DDX24: variants seen among roughly 807,000 people sequenced by gnomAD.
The protein encoded by DDX24 is ATP-dependent RNA helicase DDX24.
In DDX24, 24 loss-of-function variants were observed where a neutral mutation model predicts 68.9. That is an observed-to-expected ratio of 0.35 (90% CI 0.25 to 0.49). The LOEUF is 0.49. DDX24 is among the 20% of genes least tolerant of loss of function. The pLI is 0.99. For missense variants in DDX24, 989 were observed against 1,039.0 expected, an observed-to-expected ratio of 0.95 and a Z score of 0.66; for synonymous variants, 395 against 385.2, an observed-to-expected ratio of 1.03 and a Z score of -0.30.
intron 2 of DDX24, among the ~76,000 whole-genome samples, chr14:94,077,088 T>C (rs892337179): frequency 3.3e-5 from 5 of 152,260 alleles, no homozygotes; most frequent in Non-Finnish European, 5.9e-5. Context: ...AAGTATATAA[T>C]ACAAAATATG....
At chr14:94,054,502 G>A (rs1688691416) in intron 7 of DDX24, among the ~76,000 whole-genome samples, 1 of 152,132 alleles carries the variant, frequency 6.6e-6, no homozygotes, top group African/African-American at 2.4e-5. Flanking sequence ...ATTCACAGCT[G>A]GCAAACCTCT....
intron 2 of DDX24, among the ~76,000 whole-genome samples, chr14:94,074,446 T>C (rs1885894964): frequency 6.6e-6 from 1 of 152,196 alleles, no homozygotes; most frequent in Non-Finnish European, 1.5e-5. Context: ...TTCACCACAT[T>C]GGCAGACTAA....
intron 8 of DDX24, 195 bp from the exon 9 acceptor site, chr14:94,051,657 C>G (rs1885390971): frequency 3.7e-6 from 2 of 539,594 alleles, no homozygotes; most frequent in East Asian, 6.5e-5. Context: ...AGGGGATACA[C>G]AGGACCGCTC....
intron 2 of DDX24, among the ~76,000 whole-genome samples, chr14:94,066,232 T>A (rs141380810): frequency 2.0e-5 from 3 of 152,072 alleles, no homozygotes; most frequent in Non-Finnish European, 4.4e-5. Context: ...CTTTCCCCCA[T>A]TTCCCTGACA....
chr14:94,078,363 C>T (rs1885988614), intron 2 of DDX24, among the ~76,000 whole-genome samples: 1 of 152,172 alleles, frequency 6.6e-6, no homozygotes, highest in African/African-American at 2.4e-5. Flanking sequence ...GTACTAGTTC[C>T]TCCCCCAAGT....
At chr14:94,068,484 G>T (rs547260727) in intron 2 of DDX24, among the ~76,000 whole-genome samples, 1 of 152,074 alleles carries the variant, frequency 6.6e-6, no homozygotes, top group Non-Finnish European at 1.5e-5. Context: ...GGAAACAATC[G>T]ATTTAAACTA....
rs1489606821 is a variant in DDX24, at chr14:94,053,114, A to G, written c.2192T>C (p.Leu731Ser). 26 of 1,614,216 alleles carry G rather than the reference A, an allele frequency of 1.6e-5. No homozygotes were observed. Among genetic ancestry groups the G allele is most frequent in the Non-Finnish European group, 2.0e-5 (24 of 1,180,034 alleles). ...YMDVVKERIR[L>S]ARQIEKSEYR... is the part of the protein sequence containing the mutation. ...CTCAGATTTCTCAATCTGTCGAGCT[A>G]AACGGATTCGCTCCTGGGGGGAAGT... The change falls in exon 8 of 9, where the codon TTA becomes TCA. Residue 731 changes from leucine (L) to serine (S), a missense_variant. Leu to Ser is a moderately radical substitution (Grantham distance 145, BLOSUM62 -2). This residue lies in a region of DDX24 where 691 missense variants were observed against 760.0 expected (regional missense o/e 0.91). Transcript: ENST00000621632.
chr14:94,055,530 T>A (rs906368262), intron 6 of DDX24: 1 of 259,764 alleles, frequency 3.8e-6, no homozygotes, highest in African/African-American at 2.2e-5. Flanking sequence ...TACTCCTATA[T>A]ATATTTTATC....
Position 94,054,904 on chromosome 14 carries a change from A to G in DDX24, c.2178+92T>C. 2.1e-6 allele frequency: 3 copies of G among 1,410,348 alleles called. No individual in the cohort carries two copies. The South Asian group carries it at 4.0e-5, about 19-fold the overall frequency. 87.4% of individuals were successfully genotyped at this position (1,410,348 alleles called of 1,614,324 possible). ...TTGGCAGAACCATTCCTTAGTTTTC[A>G]AGGGTTATGCTGCCAGAGTCCCACA... is the stretch of plus-strand genomic sequence containing the variant. On this transcript the variant is annotated intron_variant, in intron 7 of 8. Coordinates refer to ENST00000621632, the MANE Select transcript of DDX24 (RefSeq NM_020414.4).
At chr14:94,080,567 A>T (rs1207319906) in intron 1 of DDX24, among the ~76,000 whole-genome samples, 1 of 152,190 alleles carries the variant, frequency 6.6e-6, no homozygotes, top group African/African-American at 2.4e-5. Flanking sequence ...AAACGAGGAC[A>T]TCTGTCCCAC....
At chr14:94,063,736 C>T (rs185552334) in intron 2 of DDX24, among the ~76,000 whole-genome samples, 1 of 152,042 alleles carries the variant, frequency 6.6e-6, no homozygotes, top group Non-Finnish European at 1.5e-5. Flanking sequence ...CATAGTGAGA[C>T]TCCCATCTTT....
At chr14:94,064,605 A>G (rs1339972130) in intron 2 of DDX24, among the ~76,000 whole-genome samples, 1 of 152,244 alleles carries the variant, frequency 6.6e-6, no homozygotes, top group Non-Finnish European at 1.5e-5. Context: ...GATAGATTCC[A>G]GGGTGGTGTA....
intron 2 of DDX24, among the ~76,000 whole-genome samples, chr14:94,074,029 C>T (rs1056296888): frequency 5.5e-5 from 8 of 145,656 alleles, no homozygotes; most frequent in Admixed American, 2.1e-4. Flanking sequence ...GGCAACAGAC[C>T]GAGACTCCAT....
At chr14:94,071,050 G>A (rs1472328743) in intron 2 of DDX24, among the ~76,000 whole-genome samples, 1 of 152,030 alleles carries the variant, frequency 6.6e-6, no homozygotes, top group Non-Finnish European at 1.5e-5. Context: ...ACAGCAAAAG[G>A]AACAGTCAGC....
intron 2 of DDX24, among the ~76,000 whole-genome samples, chr14:94,070,434 C>G (rs1346890833): frequency 1.3e-5 from 2 of 152,146 alleles, no homozygotes; most frequent in African/African-American, 4.8e-5. Flanking sequence ...ATGACTGTTG[C>G]CAAAAGCAAT....
At chr14:94,055,296 A>T in intron 6 of DDX24, 112 bp from the exon 7 acceptor site, 1 of 1,080,990 alleles carries the variant, frequency 9.3e-7, no homozygotes, top group Non-Finnish European at 1.3e-6. Flanking sequence ...AGGCAGGTAG[A>T]AACTTCTGCA....
At position 94,062,346 on chromosome 14, in the gene DDX24, A is replaced by G. The variant is rs1203131134; in HGVS notation, c.994T>C (p.Phe332Leu). 6.2e-7 allele frequency: 1 copy of G among 1,614,214 alleles called. No homozygotes were observed. The highest frequency in any genetic ancestry group is 1.7e-5 in the Admixed American group (1 of 60,032). The change falls in exon 3 of 9, where the codon TTT becomes CTT. Residue 332 changes from phenylalanine (F) to leucine (L), a missense_variant. Physicochemically the swap from Phe to Leu is conservative, Grantham distance 22. Coordinates refer to ENST00000621632, the MANE Select transcript of DDX24 (RefSeq NM_020414.4). ...CCTTCACCAGCATCATCGTCACCAA[A>G]GAGCAACGCCTGGTCTGAGACAGTG... The part of the protein sequence containing the change: ...GGTVSDQALL[F>L]GDDDAGEGPS...
chr14:94,060,025 T>TC, intron 5 of DDX24, 73 bp downstream of exon 5: 1 of 1,500,784 alleles, frequency 6.7e-7, no homozygotes, highest in Non-Finnish European at 8.9e-7. Context: ...TTCTACCATT[T>TC]CCCCACCATC....
At chr14:94,064,660 A>G (rs1885663597) in intron 2 of DDX24, among the ~76,000 whole-genome samples, 1 of 152,186 alleles carries the variant, frequency 6.6e-6, no homozygotes, top group African/African-American at 2.4e-5. Context: ...CCTGACTTCC[A>G]ACCCCGCCCC....
Sources: gnomAD v4.1 joint callset for allele counts (sites outside exome capture counted in the v4.1 genomes callset) on GRCh38, gnomAD v4.1.1 for gene constraint, gnomAD v4.1.1 regional missense constraint, MANE v1.5 for transcripts, NCBI Gene and HGNC (gene_info 2026-07-23, HGNC 2026-07-21) for gene names.